SMCO4: variants seen among roughly 807,000 people sequenced by gnomAD.
The protein encoded by SMCO4 is single-pass membrane protein with coiled-coil domains 4, also known as single-pass membrane and coiled-coil domain-containing protein 4.
In SMCO4, 4 loss-of-function variants were observed where a neutral mutation model predicts 3.6. The ratio of observed to expected loss-of-function variants is 1.11; its 90% CI spans 0.54 to 2.53. The LOEUF is 2.53. Ranked by LOEUF, SMCO4 falls within the 30% of genes most tolerant of loss-of-function variation. The probability of loss-of-function intolerance (pLI) is 0.02; values close to 1 mark genes in which losing one functional copy is unlikely to be tolerated. For missense variants in SMCO4, 70 were observed against 80.8 expected, an observed-to-expected ratio of 0.87 and a Z score of 0.51; for synonymous variants, 36 against 35.3, an observed-to-expected ratio of 1.02 and a Z score of -0.07.
At chr11:93,531,008 G>A (rs565970976) in intron 1 of SMCO4, among the ~76,000 whole-genome samples, 2 of 152,202 alleles carry the variant, frequency 1.3e-5, no homozygotes, top group Non-Finnish European at 2.9e-5. Flanking sequence ...TAAGATGAGT[G>A]TGATGGTTAA....
the SMCO4 span, among the ~76,000 whole-genome samples, chr11:93,553,655 A>G: frequency 2.0e-5 from 3 of 152,254 alleles, no homozygotes; most frequent in African/African-American, 4.8e-5. Flanking sequence ...TTAATAAAGA[A>G]GCATATATAT....
chr11:93,542,529 G>A (rs1333940865), intron 1 of SMCO4, among the ~76,000 whole-genome samples: 2 of 152,220 alleles, frequency 1.3e-5, no homozygotes, highest in Admixed American at 6.5e-5. Context: ...GCAGTCTGAG[G>A]TGAATCTGGC....
At position 93,526,863 on chromosome 11, in the gene SMCO4, C is replaced by T. The variant is rs548860608; in HGVS notation, c.-154+16413G>A. On this transcript the variant is annotated intron_variant, in intron 1 of 2. Coordinates refer to ENST00000298966, the MANE Select transcript of SMCO4 (RefSeq NM_020179.3). The stretch of plus-strand genomic sequence containing the variant: ...ACACGGCACAATCAGGACTAAAGTA[C>T]AGACTAATTCCCAAGTTCAATGTGT... Among the ~76,000 whole-genome samples the T allele has an allele frequency of 2.2e-4, 33 of 152,310 alleles. 1 individual carries two copies. Among genetic ancestry groups the T allele is most frequent in the Admixed American group, 6.5e-4 (10 of 15,302 alleles).
chr11:93,549,764 G>T, the SMCO4 span, among the ~76,000 whole-genome samples: 1 of 152,102 alleles, frequency 6.6e-6, no homozygotes, highest in Admixed American at 6.6e-5. Flanking sequence ...TGGCCAAGAG[G>T]TAAAACTTAC....
rs117153170 is a variant in SMCO4 at position 93,489,790 on chromosome 11, C to A, written c.-81+9486G>T. Among the ~76,000 whole-genome samples, 758 of 151,168 alleles carry A rather than the reference C, an allele frequency of 5.0e-3. 3 individuals carry two copies. The highest frequency in any genetic ancestry group is 7.0e-3 in the Non-Finnish European group (472 of 67,790). On this transcript the variant is annotated intron_variant, in intron 2 of 2. Transcript: ENST00000298966. ...CACAGCTGTCCCTCACCTGTCCCCC[C>A]ACACCTCTCCCCCTCCATCCCCAAT...
intron 1 of SMCO4, chr11:93,535,955 T>C: frequency 6.9e-7 from 1 of 1,446,564 alleles, no homozygotes; most frequent in Non-Finnish European, 9.3e-7. Context: ...GAAAGAATAG[T>C]TGCAGTGTTT....
intron 1 of SMCO4, chr11:93,535,886 T>C (rs1949220557): frequency 6.2e-7 from 1 of 1,601,528 alleles, no homozygotes; most frequent in Non-Finnish European, 8.5e-7. Context: ...TTTGGCCACA[T>C]AGCTAGGTTT....
intron 1 of SMCO4, among the ~76,000 whole-genome samples, chr11:93,538,860 A>C (rs184549592): frequency 1.1e-4 from 16 of 152,226 alleles, no homozygotes; most frequent in Admixed American, 3.3e-4. Context: ...TAGTTTCTCT[A>C]CACCTAATTT....
chr11:93,535,570 A>AGTCG (rs1352115320), intron 1 of SMCO4: 26 of 1,504,626 alleles, frequency 1.7e-5, no homozygotes, highest in Non-Finnish European at 2.4e-5. Context: ...GAAGTATGAC[A>AGTCG]GTCGAACCAA....
the SMCO4 span, among the ~76,000 whole-genome samples, chr11:93,552,057 T>C: frequency 2.4e-4 from 37 of 151,978 alleles, no homozygotes; most frequent in African/African-American, 8.9e-4. Flanking sequence ...TTACATATAT[T>C]GAGAGCCATA....
At chr11:93,498,930 C>T (rs1001356806) in intron 2 of SMCO4, among the ~76,000 whole-genome samples, 2 of 152,118 alleles carry the variant, frequency 1.3e-5, no homozygotes, top group South Asian at 2.1e-4. Flanking sequence ...GAGAATAAAG[C>T]GTGGAAGTAA....
intron 1 of SMCO4, among the ~76,000 whole-genome samples, chr11:93,511,442 A>G (rs140405960): frequency 6.6e-6 from 1 of 152,244 alleles, no homozygotes; most frequent in Non-Finnish European, 1.5e-5. Context: ...AAAAAAATCA[A>G]TTCCCAGCTG....
chr11:93,545,958 G>C (rs141152396), upstream of SMCO4, among the ~76,000 whole-genome samples: 2 of 152,360 alleles, frequency 1.3e-5, no homozygotes, highest in East Asian at 1.9e-4. Flanking sequence ...AAGCCTTGCT[G>C]TCCCAGCTAT....
intron 2 of SMCO4, among the ~76,000 whole-genome samples, chr11:93,479,490 A>G (rs557617596): frequency 6.6e-6 from 1 of 152,212 alleles, no homozygotes; most frequent in African/African-American, 2.4e-5. Flanking sequence ...CTCCAGCGCC[A>G]GCTGGACAAA....
chr11:93,530,648 A>G lies in SMCO4; in HGVS notation c.-154+12628T>C, dbSNP rs141760547. ...CCTCTTGATCCTCATCCTCTTCTTT[A>G]CTCCCAACCTCTCCCTTTCCTCCCC... On this transcript the variant is annotated intron_variant, in intron 1 of 2. Transcript: ENST00000298966. Among the ~76,000 whole-genome samples the G allele has an allele frequency of 2.8e-3, 426 of 152,106 alleles. 1 individual carries two copies. The highest frequency in any genetic ancestry group is 9.9e-3 in the African/African-American group (409 of 41,492).
chr11:93,479,432 C>G (rs1948565299), intron 2 of SMCO4, 163 bp from the exon 3 acceptor site: 1 of 643,912 alleles, frequency 1.6e-6, no homozygotes, highest in Non-Finnish European at 2.4e-6. Context: ...GATCAGCGCT[C>G]TAAGTAGTGG....
At chr11:93,538,574 G>A (rs1010220893) in intron 1 of SMCO4, among the ~76,000 whole-genome samples, 15 of 152,158 alleles carry the variant, frequency 9.9e-5, no homozygotes, top group Admixed American at 2.0e-4. Flanking sequence ...AGGCCCTTTC[G>A]GACTGTGCTC....
At chr11:93,500,950 A>G (rs772013190) in intron 1 of SMCO4, among the ~76,000 whole-genome samples, 26 of 152,134 alleles carry the variant, frequency 1.7e-4, no homozygotes, top group Admixed American at 2.6e-4. Context: ...ATCAGCTTTC[A>G]CTGAACAGGG....
intron 2 of SMCO4, among the ~76,000 whole-genome samples, chr11:93,480,421 C>T (rs1220239026): frequency 6.6e-6 from 1 of 152,236 alleles, no homozygotes; most frequent in African/African-American, 2.4e-5. Context: ...CCCCAGCATT[C>T]TGCATCACCA....
Sources: allele counts gnomAD v4.1 joint callset (sites outside exome capture counted in the v4.1 genomes callset), GRCh38; gene constraint gnomAD v4.1.1; transcripts MANE v1.5; gene names NCBI Gene and HGNC (gene_info 2026-07-23, HGNC 2026-07-21).